Variants in KCNH8 observed in about 807,000 individuals in gnomAD.
KCNH8 encodes voltage-gated delayed rectifier potassium channel KCNH8.
KCNH8 carries 70 observed loss-of-function variants against 103.6 expected under a neutral mutation model. The observed-to-expected ratio is 0.68, with a 90% CI of 0.56 to 0.82. The LOEUF is 0.82. Among genes scored for constraint, KCNH8 ranks in the 40% least tolerant of loss-of-function variants. The pLI is 0.00. For missense variants in KCNH8, 1,217 were observed against 1,329.9 expected, an observed-to-expected ratio of 0.92 and a Z score of 1.32; for synonymous variants, 498 against 489.4, an observed-to-expected ratio of 1.02 and a Z score of -0.23.
chr3:19,281,268 G>T lies in KCNH8; in HGVS notation c.381G>T (p.Leu127=), dbSNP rs774147895. ...KNEKGDVVLF[L]ASFKDITDTK... is the part of the protein sequence containing the mutation. ...AAAAAGGAGATGTAGTACTTTTTCT[G>T]GCCTCGTTCAAAGATATAACAGATA... The change falls in exon 3 of 16, where the codon CTG becomes CTT. Residue 127 remains leucine, a synonymous_variant. Transcript: ENST00000328405. 6.2e-7 allele frequency: 1 copy of T among 1,611,030 alleles called. No homozygotes were observed. Among genetic ancestry groups the T allele is most frequent in the East Asian group, 2.2e-5 (1 of 44,710 alleles).
chr3:19,328,112 T>C (rs556723653), intron 3 of KCNH8, among the ~76,000 whole-genome samples: 1 of 152,262 alleles, frequency 6.6e-6, no homozygotes, highest in South Asian at 2.1e-4. Context: ...AACAAACATA[T>C]TTGTCGTAAA....
At chr3:19,303,853 G>C (rs2065095510) in intron 3 of KCNH8, among the ~76,000 whole-genome samples, 1 of 152,118 alleles carries the variant, frequency 6.6e-6, no homozygotes, top group Admixed American at 6.6e-5. Context: ...TCATGGGCAA[G>C]GTGATCCTCT....
chr3:19,233,873 T>G (rs2064026074), intron 1 of KCNH8, among the ~76,000 whole-genome samples: 1 of 152,128 alleles, frequency 6.6e-6, no homozygotes, highest in South Asian at 2.1e-4. Flanking sequence ...AGTTTCTGCT[T>G]TCTGGTGGGT....
intron 1 of KCNH8, among the ~76,000 whole-genome samples, chr3:19,201,263 G>GAAAAAAAAAAAAAA (rs1355625177): frequency 1.3e-5 from 1 of 78,908 alleles, no homozygotes. Context: ...AAAAAAAAAA[G>GAAAAAAAAAAAAAA]AAAAGAAAAT....
At chr3:19,174,014 A>G (rs74878960) in intron 1 of KCNH8, among the ~76,000 whole-genome samples, 5,467 of 146,648 alleles carry the variant, frequency 0.037, 367 homozygotes, top group African/African-American at 0.13. Flanking sequence ...CCCTATTACC[A>G]CTCTGACTTT....
chr3:19,498,193 G>A (rs546141433), intron 11 of KCNH8, among the ~76,000 whole-genome samples: 2 of 152,170 alleles, frequency 1.3e-5, no homozygotes, highest in South Asian at 2.1e-4. Context: ...CTTTCTCCGT[G>A]TTGCCACTCT....
chr3:19,382,256 A>G (rs2066297891), intron 5 of KCNH8, among the ~76,000 whole-genome samples: 1 of 152,164 alleles, frequency 6.6e-6, no homozygotes, highest in African/African-American at 2.4e-5. Flanking sequence ...AGCTGGAAGC[A>G]GGGTAAGAAT....
At chr3:19,496,610 G>A (rs2068446848) in intron 11 of KCNH8, among the ~76,000 whole-genome samples, 2 of 152,132 alleles carry the variant, frequency 1.3e-5, no homozygotes, top group Middle Eastern at 6.8e-3. Flanking sequence ...TTTTGTTGAG[G>A]ATTTTTGTCT....
intron 3 of KCNH8, among the ~76,000 whole-genome samples, chr3:19,336,350 T>A (rs2065585036): frequency 6.6e-6 from 1 of 151,636 alleles, no homozygotes; most frequent in South Asian, 2.1e-4. Context: ...CAAAATAGAG[T>A]TTGAGCCATT....
intron 3 of KCNH8, among the ~76,000 whole-genome samples, chr3:19,319,775 A>G (rs528541175): frequency 6.6e-6 from 1 of 152,150 alleles, no homozygotes; most frequent in African/African-American, 2.4e-5. Flanking sequence ...CATTTTCACA[A>G]TATTGATTCT....
At chr3:19,331,939 T>C (rs1178921501) in intron 3 of KCNH8, among the ~76,000 whole-genome samples, 1 of 152,200 alleles carries the variant, frequency 6.6e-6, no homozygotes, top group Non-Finnish European at 1.5e-5. Flanking sequence ...TGAACTGTTT[T>C]ACTTGTGAAG....
intron 6 of KCNH8, among the ~76,000 whole-genome samples, chr3:19,392,853 AT>A (rs1203355131): frequency 6.6e-6 from 1 of 152,098 alleles, no homozygotes; most frequent in Non-Finnish European, 1.5e-5. Context: ...AAGTTCTATC[AT>A]TTACCATCTG....
At chr3:19,201,597 A>G (rs1223344389) in intron 1 of KCNH8, among the ~76,000 whole-genome samples, 2 of 152,050 alleles carry the variant, frequency 1.3e-5, no homozygotes, top group Non-Finnish European at 1.5e-5. Context: ...ATACAGCTCA[A>G]TGGCCCTTAG....
chr3:19,313,824 A>T (rs1054687354), intron 3 of KCNH8, among the ~76,000 whole-genome samples: 23 of 151,994 alleles, frequency 1.5e-4, no homozygotes, highest in African/African-American at 5.6e-4. Context: ...GGTCCTATTC[A>T]GGAGAAAGAT....
At chr3:19,442,058 C>T (rs534516965) in intron 8 of KCNH8, among the ~76,000 whole-genome samples, 69 of 152,306 alleles carry the variant, frequency 4.5e-4, no homozygotes, top group Non-Finnish European at 9.0e-4. Context: ...TGCCATGGCA[C>T]AGTTGTTCAA....
At chr3:19,511,624 AAC>A (rs1189142837) in intron 12 of KCNH8, among the ~76,000 whole-genome samples, 1 of 152,152 alleles carries the variant, frequency 6.6e-6, no homozygotes, top group South Asian at 2.1e-4. Context: ...TTTTGTTAAA[AAC>A]ACAGAGTTTT....
At chr3:19,384,363 C>G (rs1018851324) in intron 5 of KCNH8, among the ~76,000 whole-genome samples, 2 of 152,166 alleles carry the variant, frequency 1.3e-5, no homozygotes, top group African/African-American at 4.8e-5. Flanking sequence ...GCAAAGAACA[C>G]AAGTCCTCAA....
At position 19,533,930 on chromosome 3, in the gene KCNH8, A is replaced by T; in HGVS notation, c.3155A>T (p.Glu1052Val). The change falls in exon 16 of 16, where the codon GAG (glutamate) becomes GTG (valine). Residue 1052 changes from glutamate (E) to valine (V), a missense_variant. By Grantham distance (121) the Glu-to-Val change is moderately radical. Around this residue, in one of 3 missense-constraint regions of KCNH8, gnomAD observed 558 missense variants for 495.8 expected, o/e 1.13. Transcript: ENST00000328405. ...LHLVLPSRSE[E>V]GSFSQGTVSS... ...CTAGTTCTCCCAAGCAGATCAGAGGAGGGCAGCTTCAGTCAGGGAACTGTG... is the reference window on the plus strand; with the variant it reads ...CTAGTTCTCCCAAGCAGATCAGAGGTGGGCAGCTTCAGTCAGGGAACTGTG... 6.2e-7 allele frequency: 1 copy of T among 1,614,120 alleles called. No individual in the cohort carries two copies. The highest frequency in any genetic ancestry group is 8.5e-7 in the Non-Finnish European group (1 of 1,180,026).
intron 1 of KCNH8, among the ~76,000 whole-genome samples, chr3:19,223,464 T>A (rs116534731): frequency 0.027 from 4,052 of 152,290 alleles, 177 homozygotes; most frequent in African/African-American, 0.091. Context: ...TTTTTTAAAA[T>A]AAAGTTTATC....
Sources: gnomAD v4.1 joint callset for allele counts (sites outside exome capture counted in the v4.1 genomes callset) on GRCh38, gnomAD v4.1.1 for gene constraint, gnomAD v4.1.1 regional missense constraint, MANE v1.5 for transcripts, NCBI Gene and HGNC (gene_info 2026-07-23, HGNC 2026-07-21) for gene names.